ARNT2: variants seen among roughly 807,000 people sequenced by gnomAD.
The protein encoded by ARNT2 is aryl hydrocarbon receptor nuclear translocator 2.
A neutral mutation model predicts 91.7 loss-of-function variants in ARNT2; 36 were observed. The observed-to-expected ratio is 0.39, with a 90% CI of 0.30 to 0.52. The LOEUF is 0.52. Among genes scored for constraint, ARNT2 ranks in the 20% least tolerant of loss-of-function variants. The probability of loss-of-function intolerance (pLI) is 0.72; values close to 1 mark genes in which losing one functional copy is unlikely to be tolerated. For synonymous variants in ARNT2, 365 were observed against 347.1 expected (o/e 1.05, Z -0.57); for missense variants, 775 against 939.3 (o/e 0.83, Z 2.29).
chr15:80,551,408 G>A, intron 9 of ARNT2, 133 bp downstream of exon 9: 1 of 830,982 alleles, frequency 1.2e-6, no homozygotes, highest in Non-Finnish European at 1.9e-6. Flanking sequence ...GTCTCACTCT[G>A]TGGGACAAGG....
intron 17 of ARNT2, among the ~76,000 whole-genome samples, chr15:80,583,920 C>T (rs1898843462): frequency 6.6e-6 from 1 of 152,180 alleles, no homozygotes; most frequent in African/African-American, 2.4e-5. Context: ...GGGCTGGAAC[C>T]CTTCCAATGA....
intron 1 of ARNT2, among the ~76,000 whole-genome samples, chr15:80,439,759 A>G (rs949971608): frequency 1.3e-5 from 2 of 152,148 alleles, no homozygotes; most frequent in Non-Finnish European, 2.9e-5. Context: ...AGGTCTCTGC[A>G]GTCATTGAGA....
At chr15:80,510,850 A>G (rs931934050) in intron 6 of ARNT2, among the ~76,000 whole-genome samples, 1 of 152,102 alleles carries the variant, frequency 6.6e-6, no homozygotes, top group African/African-American at 2.4e-5. Flanking sequence ...TAAATAAATA[A>G]TAAAAATTTA....
chr15:80,529,677 T>A (rs1378995061), intron 8 of ARNT2, among the ~76,000 whole-genome samples: 1 of 152,176 alleles, frequency 6.6e-6, no homozygotes, highest in African/African-American at 2.4e-5. Context: ...GATAGGAGAA[T>A]TTATCTATGG....
chr15:80,515,109 C>G (rs1485597571), intron 8 of ARNT2, among the ~76,000 whole-genome samples: 3 of 152,150 alleles, frequency 2.0e-5, no homozygotes, highest in Non-Finnish European at 2.9e-5. Flanking sequence ...AGACAGGTAA[C>G]AACAAATGTT....
At chr15:80,440,710 G>T (rs190354689) in intron 1 of ARNT2, among the ~76,000 whole-genome samples, 1 of 152,158 alleles carries the variant, frequency 6.6e-6, no homozygotes, top group Admixed American at 6.5e-5. Flanking sequence ...TCCAGGGCTC[G>T]GTATCCAGGC....
chr15:80,484,093 C>T (rs1896929398), intron 5 of ARNT2, among the ~76,000 whole-genome samples: 2 of 151,828 alleles, frequency 1.3e-5, no homozygotes, highest in East Asian at 1.9e-4. Context: ...AATGCCCAAA[C>T]TTAGTCTTTG....
At chr15:80,526,517 T>C (rs1897642860) in intron 8 of ARNT2, among the ~76,000 whole-genome samples, 1 of 152,148 alleles carries the variant, frequency 6.6e-6, no homozygotes, top group African/African-American at 2.4e-5. Context: ...CACCTAACAA[T>C]CCATGGAAAA....
At chr15:80,468,258 C>T (rs910621662) in intron 3 of ARNT2, among the ~76,000 whole-genome samples, 7 of 152,028 alleles carry the variant, frequency 4.6e-5, no homozygotes, top group African/African-American at 1.7e-4. Context: ...CCTGCTGGTC[C>T]CAGCCTCCAT....
Position 80,593,628 on chromosome 15 carries a change from C to T in ARNT2, c.2084C>T (p.Thr695Ile). The change falls in exon 19 of 19, where the codon ACC becomes ATC. Residue 695 changes from threonine (T) to isoleucine (I), a missense_variant. Physicochemically the swap from Thr to Ile is moderately conservative, Grantham distance 89. Transcript: ENST00000303329. ...QDMLPMPGDPTQGTGNYNIED... is the reference protein window; with the variant it reads ...QDMLPMPGDPIQGTGNYNIED... The stretch of plus-strand genomic sequence containing the variant: ...ATGCTGCCCATGCCAGGAGATCCAA[C>T]CCAGGGGACTGGCAACTATAACATC... The T allele has an allele frequency of 6.2e-7, 1 of 1,605,188 alleles. No individual in the cohort carries two copies. Among genetic ancestry groups the T allele is most frequent in the Non-Finnish European group, 8.5e-7 (1 of 1,174,822 alleles).
chr15:80,462,364 C>T (rs187100432), intron 3 of ARNT2, among the ~76,000 whole-genome samples: 48 of 152,286 alleles, frequency 3.2e-4, no homozygotes, highest in African/African-American at 1.1e-3. Flanking sequence ...CCGTGCTCAT[C>T]GTGTGCCTTA....
At position 80,470,326 on chromosome 15, in the gene ARNT2, C is replaced by T; in HGVS notation, c.303C>T (p.Asp101=). The stretch of plus-strand genomic sequence containing the variant: ...GCAGCGCACTGGCTCGGAAGCCAGA[C>T]AAGCTCACCATCCTCCGCATGGCCG... ...PTCSALARKP[D]KLTILRMAVS... is the part of the protein sequence containing the mutation. Residue 101 remains aspartate (D), a synonymous_variant, in exon 4 of 19, where the codon GAC becomes GAT. Coordinates refer to ENST00000303329, the MANE Select transcript of ARNT2 (RefSeq NM_014862.4). 2 of 1,614,202 alleles carry T rather than the reference C, an allele frequency of 1.2e-6. No individual in the cohort carries two copies. The highest frequency in any genetic ancestry group is 2.2e-5 in the South Asian group (2 of 91,086).
At chr15:80,415,754 G>C (rs1895771672) in intron 1 of ARNT2, among the ~76,000 whole-genome samples, 1 of 152,196 alleles carries the variant, frequency 6.6e-6, no homozygotes, top group Non-Finnish European at 1.5e-5. Flanking sequence ...AGATGAGAGA[G>C]AGGGAGTGGT....
intron 4 of ARNT2, among the ~76,000 whole-genome samples, chr15:80,471,112 G>T (rs1896725705): frequency 2.0e-5 from 3 of 152,208 alleles, no homozygotes; most frequent in Non-Finnish European, 4.4e-5. Context: ...CAATAGCAAA[G>T]ACATGGACTC....
Position 80,596,274 on chromosome 15 carries a change from A to G in ARNT2, c.*2576A>G, listed in dbSNP as rs932091564. On this transcript the variant is annotated 3_prime_UTR_variant, in exon 19 of 19. Transcript: ENST00000303329. ...GACCTGATGGGGAGGCATTATGACT[A>G]AATAGGCCCAGCCTCCTTCCCTTCC... is the stretch of plus-strand genomic sequence containing the variant. The G allele has an allele frequency of 1.3e-5, 2 of 152,202 alleles. No homozygotes were observed. The highest frequency in any genetic ancestry group is 4.8e-5 in the African/African-American group (2 of 41,448). The allele number at this position is 152,202 out of a possible 1,614,324, so 9.4% of individuals were successfully genotyped here.
intron 1 of ARNT2, among the ~76,000 whole-genome samples, chr15:80,410,553 C>T (rs1275631215): frequency 6.6e-6 from 1 of 152,098 alleles, no homozygotes; most frequent in African/African-American, 2.4e-5. Context: ...GGGATGTTGG[C>T]CAGCCATTTA....
At chr15:80,535,546 A>G (rs1470791507) in intron 8 of ARNT2, among the ~76,000 whole-genome samples, 2 of 152,160 alleles carry the variant, frequency 1.3e-5, no homozygotes, top group Non-Finnish European at 2.9e-5. Context: ...TTCCTAGTGA[A>G]TTGCCTGTTC....
intron 5 of ARNT2, among the ~76,000 whole-genome samples, chr15:80,503,407 G>T (rs1897226862): frequency 6.6e-6 from 1 of 152,220 alleles, no homozygotes; most frequent in Non-Finnish European, 1.5e-5. Context: ...GCTTCATTGT[G>T]TCCAAGGAAA....
intron 1 of ARNT2, among the ~76,000 whole-genome samples, chr15:80,422,356 G>A (rs1401881515): frequency 2.0e-5 from 3 of 152,350 alleles, no homozygotes; most frequent in Middle Eastern, 3.4e-3. Flanking sequence ...TACAGGAGCA[G>A]CAATTAGATT....
Sources: allele counts gnomAD v4.1 joint callset (sites outside exome capture counted in the v4.1 genomes callset), GRCh38; gene constraint gnomAD v4.1.1; transcripts MANE v1.5; gene names NCBI Gene and HGNC (gene_info 2026-07-23, HGNC 2026-07-21).